Variants in DNAH17 observed in about 807,000 individuals in gnomAD.
DNAH17 encodes axonemal beta dynein heavy chain 17.
DNAH17 carries 376 observed loss-of-function variants against 485.6 expected under a neutral mutation model. That is an observed-to-expected ratio of 0.77 (90% CI 0.71 to 0.84). DNAH17 has a LOEUF of 0.84. Among genes scored for constraint, DNAH17 ranks in the 40% least tolerant of loss-of-function variants. The pLI, the probability that DNAH17 is intolerant of heterozygous loss-of-function variation, is 0.00. For missense variants in DNAH17, 6,370 were observed against 5,839.3 expected (o/e 1.09, Z -2.96); for synonymous variants, 3,031 against 2,405.9 (o/e 1.26, Z -7.60).
At chr17:78,453,257 CG>C (rs1304037838) in intron 65 of DNAH17, 85 bp downstream of exon 65, 1 of 1,523,890 alleles carries the variant, frequency 6.6e-7, no homozygotes, top group Non-Finnish European at 8.9e-7. Context: ...AAGGAAATTC[CG>C]GGCGTTTTCT....
chr17:78,529,448 C>T (rs1380880399), intron 22 of DNAH17, 24 bp downstream of exon 22: 1 of 1,612,244 alleles, frequency 6.2e-7, no homozygotes. Context: ...CACCTGGACG[C>T]AGCCACACCC....
intron 44 of DNAH17, among the ~76,000 whole-genome samples, chr17:78,487,890 G>A (rs1396982729): frequency 6.6e-6 from 1 of 152,140 alleles, no homozygotes; most frequent in African/African-American, 2.4e-5. Flanking sequence ...TCTATCACAA[G>A]AGAGAATTAA....
chr17:78,484,807 C>A, intron 48 of DNAH17, 61 bp downstream of exon 48: 1 of 1,457,386 alleles, frequency 6.9e-7, no homozygotes, highest in South Asian at 1.4e-5. Context: ...TGCGCCCCGC[C>A]CTGGCCCCGC....
At position 78,529,402 on chromosome 17, in the gene DNAH17, T is replaced by TG. The variant is rs2091166706; in HGVS notation, c.3507+69dup. The TG allele has an allele frequency of 2.7e-6, 4 of 1,474,380 alleles. No homozygotes were observed. In the Admixed American group the frequency reaches 6.8e-5, roughly 25 times the overall value. 91.3% of individuals were successfully genotyped at this position (1,474,380 alleles called of 1,614,324 possible). On this transcript the variant is annotated intron_variant, in intron 22 of 80. Coordinates refer to ENST00000389840, the MANE Select transcript of DNAH17 (RefSeq NM_173628.4). Reference sequence around the variant, plus strand: ...TCCCCCATGGTTGCGTTTGATGGGCTGGTCCATGGTCGCGGCCGGGATGGC... The same window carrying TG: ...TCCCCCATGGTTGCGTTTGATGGGCTGGGTCCATGGTCGCGGCCGGGATGGC...
chr17:78,444,331 G>A (rs868316757), intron 71 of DNAH17, among the ~76,000 whole-genome samples: 1 of 152,166 alleles, frequency 6.6e-6, no homozygotes, highest in Admixed American at 6.6e-5. Flanking sequence ...GGGACAAGGG[G>A]TTCCCCTAAT....
At chr17:78,521,517 A>C (rs866956907) in intron 25 of DNAH17, among the ~76,000 whole-genome samples, 9 of 152,248 alleles carry the variant, frequency 5.9e-5, no homozygotes, top group African/African-American at 1.9e-4. Context: ...TAACCCAATA[A>C]ACCTCACTCC....
chr17:78,492,601 C>T lies in DNAH17; in HGVS notation c.6541+32G>A, dbSNP rs563731552. ...CTCACTGCACTGGACCAGGAGTGCC[C>T]CTGCAGCCTGTCCCGGGACCACCCT... is the stretch of plus-strand genomic sequence containing the variant. On this transcript the variant is annotated intron_variant, in intron 42 of 80. Coordinates refer to ENST00000389840, the MANE Select transcript of DNAH17 (RefSeq NM_173628.4). 268 of 1,611,538 alleles carry T rather than the reference C, an allele frequency of 1.7e-4. 1 individual carries two copies. The East Asian group carries it at 5.3e-3, about 32-fold the overall frequency.
chr17:78,561,644 TG>T, intron 12 of DNAH17, 70 bp downstream of exon 12: 1 of 1,496,572 alleles, frequency 6.7e-7, no homozygotes. Context: ...CGCTCGGGGT[TG>T]GGACAGTCCC....
intron 21 of DNAH17, 146 bp downstream of exon 21, chr17:78,530,197 G>T: frequency 1.1e-6 from 1 of 905,704 alleles, no homozygotes; most frequent in Non-Finnish European, 1.6e-6. Flanking sequence ...CTCACGCTTG[G>T]TGGGGTAGTT....
rs200170934 is a variant in DNAH17, at chr17:78,494,625, C to A, written c.6238G>T (p.Val2080Leu). 1 of 1,613,868 alleles carries A rather than the reference C, an allele frequency of 6.2e-7. No individual in the cohort carries two copies. Among genetic ancestry groups the A allele is most frequent in the Non-Finnish European group, 8.5e-7 (1 of 1,179,892 alleles). Reference sequence around the variant, plus strand: ...AAATTCAGGTCCCGTTTCCGAGGCACGTCCAGAGCCGGGAAGAGGTCCCCG... The same window carrying A: ...AAATTCAGGTCCCGTTTCCGAGGCAAGTCCAGAGCCGGGAAGAGGTCCCCG... ...LIGDLFPALD[V>L]PRKRDLNFEK... The change falls in exon 40 of 81, where the codon GTG becomes TTG. Residue 2080 changes from valine to leucine, a missense_variant. Transcript: ENST00000389840.
chr17:78,554,932 G>C (rs1219349800), intron 14 of DNAH17, among the ~76,000 whole-genome samples: 1 of 151,948 alleles, frequency 6.6e-6, no homozygotes, highest in East Asian at 1.9e-4. Flanking sequence ...TTTTTTGTAG[G>C]GATAGGGTAT....
At chr17:78,524,973 C>T (rs2091026365) in intron 25 of DNAH17, 36 bp downstream of exon 25, 3 of 1,582,526 alleles carry the variant, frequency 1.9e-6, no homozygotes, top group Non-Finnish European at 2.6e-6. Context: ...CCTGCAGAAT[C>T]CCGGGCCCCA....
intron 25 of DNAH17, among the ~76,000 whole-genome samples, chr17:78,516,144 A>T (rs1178568988): frequency 2.6e-5 from 4 of 151,980 alleles, no homozygotes; most frequent in African/African-American, 9.7e-5. Context: ...ATGATTTGAA[A>T]CCTTAATCTA....
rs1268142954 is a variant in DNAH17 at position 78,502,579 on chromosome 17, C to G, written c.5190+12G>C. 1.2e-6 allele frequency: 2 copies of G among 1,609,960 alleles called. No individual in the cohort carries two copies. Among genetic ancestry groups the G allele is most frequent in the African/African-American group, 2.7e-5 (2 of 74,820 alleles). The stretch of plus-strand genomic sequence containing the variant: ...TTTTAAAAACGTAACTAACTACACA[C>G]TAGTAACACACCTGCTTTTTGTTAT... On this transcript the variant is annotated intron_variant, in intron 33 of 80. Coordinates refer to ENST00000389840, the MANE Select transcript of DNAH17 (RefSeq NM_173628.4).
At chr17:78,556,766 A>T (rs537109585) in intron 14 of DNAH17, among the ~76,000 whole-genome samples, 12 of 152,196 alleles carry the variant, frequency 7.9e-5, no homozygotes, top group Admixed American at 3.3e-4. Flanking sequence ...AATGCCCATC[A>T]ACAGAGGAAT....
chr17:78,432,204 A>T (rs1226791777), intron 75 of DNAH17, among the ~76,000 whole-genome samples: 1 of 150,316 alleles, frequency 6.7e-6, no homozygotes, highest in Non-Finnish European at 1.5e-5. Flanking sequence ...ATAAATAAAT[A>T]AAATAAATAA....
At chr17:78,539,056 C>T (rs140339515) in intron 18 of DNAH17, among the ~76,000 whole-genome samples, 1 of 152,022 alleles carries the variant, frequency 6.6e-6, no homozygotes, top group Non-Finnish European at 1.5e-5. Flanking sequence ...GATGGTGAAC[C>T]CTTGCCTCTA....
intron 5 of DNAH17, 110 bp from the exon 6 acceptor site, chr17:78,571,143 T>C (rs1339760846): frequency 7.7e-7 from 1 of 1,290,690 alleles, no homozygotes; most frequent in Non-Finnish European, 1.1e-6. Flanking sequence ...AATGGGGCCT[T>C]TCTCAAGTGG....
intron 14 of DNAH17, among the ~76,000 whole-genome samples, chr17:78,555,619 T>A (rs1486548513): frequency 6.8e-6 from 1 of 147,534 alleles, no homozygotes; most frequent in Non-Finnish European, 1.5e-5. Flanking sequence ...AAGCACAAGT[T>A]GGAGTGATGT....
Sources: gnomAD v4.1 joint callset for allele counts (sites outside exome capture counted in the v4.1 genomes callset) on GRCh38, gnomAD v4.1.1 for gene constraint, MANE v1.5 for transcripts, NCBI Gene and HGNC (gene_info 2026-07-23, HGNC 2026-07-21) for gene names.